The following KDM1B variants were observed in gnomAD, a reference collection of about 807,000 sequenced individuals.
KDM1B encodes lysine-specific histone demethylase 2.
In KDM1B, 63 loss-of-function variants were observed where a neutral mutation model predicts 107.4. The ratio of observed to expected loss-of-function variants is 0.59; its 90% CI spans 0.48 to 0.72. KDM1B has a LOEUF of 0.72. Ranked by LOEUF, KDM1B falls within the 30% of genes least tolerant of loss-of-function variation. The pLI is 0.00. For missense variants in KDM1B, 749 were observed against 1,020.8 expected (o/e 0.73, Z 3.63); for synonymous variants, 363 against 363.9 (o/e 1.00, Z 0.03).
At chr6:18,179,850 C>CTTTTTTTT (rs67156330) in intron 7 of KDM1B, among the ~76,000 whole-genome samples, 1 of 9,638 alleles carries the variant, frequency 1.0e-4, no homozygotes, top group African/African-American at 3.3e-4. Context: ...GTTTTTTTTC[C>CTTTTTTTT]TTTTTTTTTT....
intron 17 of KDM1B, among the ~76,000 whole-genome samples, chr6:18,210,914 C>A (rs556508191): frequency 2.6e-5 from 4 of 152,222 alleles, no homozygotes. Flanking sequence ...GCAAGAGGAT[C>A]ACTTGAGCAC....
intron 7 of KDM1B, among the ~76,000 whole-genome samples, chr6:18,185,167 G>C (rs574262564): frequency 1.5e-3 from 230 of 152,284 alleles, no homozygotes; most frequent in Non-Finnish European, 2.3e-3. Context: ...CGTATTTTCA[G>C]TTCTAAAAGA....
intron 7 of KDM1B, among the ~76,000 whole-genome samples, chr6:18,181,358 A>G (rs1376060623): frequency 6.6e-6 from 1 of 152,244 alleles, no homozygotes; most frequent in Non-Finnish European, 1.5e-5. Flanking sequence ...TCAATTTAAA[A>G]TAAGAAAAGG....
intron 2 of KDM1B, among the ~76,000 whole-genome samples, chr6:18,158,140 A>AT (rs1433759080): frequency 1.3e-5 from 2 of 151,974 alleles, no homozygotes; most frequent in Non-Finnish European, 2.9e-5. Context: ...CATCATTAGC[A>AT]TTTTCTCCAA....
chr6:18,171,898 A>T (rs1785688038), intron 7 of KDM1B, among the ~76,000 whole-genome samples: 1 of 152,218 alleles, frequency 6.6e-6, no homozygotes, highest in Non-Finnish European at 1.5e-5. Context: ...CCTGGGGGAA[A>T]CAGGAGCTTT....
intron 7 of KDM1B, among the ~76,000 whole-genome samples, chr6:18,183,955 C>T (rs1487279793): frequency 1.3e-5 from 2 of 151,932 alleles, no homozygotes; most frequent in South Asian, 2.1e-4. Context: ...AACTGCTAGG[C>T]CATATGGTCT....
rs1023761806 is a variant in KDM1B at position 18,186,972 on chromosome 6, G to A, written c.574-820G>A. ...TCAGTATGTATATATGTGTGTGTGTGTACACACACACACACACACACACAC... is the reference window on the plus strand; with the variant it reads ...TCAGTATGTATATATGTGTGTGTGTATACACACACACACACACACACACAC... On this transcript the variant is annotated intron_variant, in intron 8 of 21. Transcript: ENST00000650836. This position sits in a 1 kb window ranked among gnomAD's most constrained non-coding sequence, Gnocchi z 5.6. Among the ~76,000 whole-genome samples the A allele has an allele frequency of 6.9e-5, 4 of 58,326 alleles. No homozygotes were observed. The Admixed American group carries it at 7.4e-4, about 11-fold the overall frequency. 38.3% of individuals were successfully genotyped at this position (58,326 alleles called of 152,430 possible).
intron 20 of KDM1B, among the ~76,000 whole-genome samples, chr6:18,215,740 C>T (rs1329953119): frequency 6.6e-6 from 1 of 151,034 alleles, no homozygotes; most frequent in Non-Finnish European, 1.5e-5. Flanking sequence ...TACACACTTC[C>T]CTTTTTTTTT....
rs1038279342 is a variant in KDM1B, at chr6:18,209,616, T to G, written c.1866+1410T>G. ...GAATTGGCCTCGCTTTTTTGTTTGTTTTTTTCAGAGACAGGGTCTCAGTCT... is the reference window on the plus strand; with the variant it reads ...GAATTGGCCTCGCTTTTTTGTTTGTGTTTTTCAGAGACAGGGTCTCAGTCT... On this transcript the variant is annotated intron_variant, in intron 17 of 21. Transcript: ENST00000650836. The surrounding 1 kb of genome is among the most constrained non-coding windows in gnomAD (Gnocchi z 4.3). Among the ~76,000 whole-genome samples, 1 of 152,166 alleles carries G rather than the reference T, an allele frequency of 6.6e-6. No homozygotes were observed. The highest frequency in any genetic ancestry group is 2.4e-5 in the African/African-American group (1 of 41,432).
chr6:18,209,532 C>T lies in KDM1B; in HGVS notation c.1866+1326C>T, dbSNP rs6911008. On this transcript the variant is annotated intron_variant, in intron 17 of 21. Transcript: ENST00000650836. The surrounding 1 kb of genome is among the most constrained non-coding windows in gnomAD (Gnocchi z 4.3). ...GCAATCCCCGGGCTGCACGTCGGAA[C>T]CACCTGGGAGGCGCTTACAAAGAAA... Among the ~76,000 whole-genome samples the T allele has an allele frequency of 0.33, 50,219 of 152,050 alleles. 9,242 individuals are homozygous for T. Among genetic ancestry groups the T allele is most frequent in the African/African-American group, 0.51 (21,115 of 41,450 alleles).
intron 7 of KDM1B, among the ~76,000 whole-genome samples, chr6:18,185,220 A>G (rs1786775265): frequency 6.6e-6 from 1 of 151,544 alleles, no homozygotes; most frequent in African/African-American, 2.4e-5. Flanking sequence ...GTATTTTGTC[A>G]CCGCCCTTCG....
intron 20 of KDM1B, among the ~76,000 whole-genome samples, chr6:18,215,442 G>A (rs1196352835): frequency 6.6e-6 from 1 of 152,200 alleles, no homozygotes; most frequent in African/African-American, 2.4e-5. Flanking sequence ...GCTGGTAGAT[G>A]CTGTCTTCTC....
At position 18,222,059 on chromosome 6, in the gene KDM1B, A is replaced by G. The variant is rs1326789950; in HGVS notation, c.*67A>G. 7.1e-7 allele frequency: 1 copy of G among 1,401,406 alleles called. No homozygotes were observed. Among genetic ancestry groups the G allele is most frequent in the African/African-American group, 1.4e-5 (1 of 70,718 alleles). The allele number at this position is 1,401,406 out of a possible 1,614,324, so 86.8% of individuals were successfully genotyped here. On this transcript the variant is annotated 3_prime_UTR_variant, in exon 22 of 22. Coordinates refer to ENST00000650836, the MANE Select transcript of KDM1B (RefSeq NM_001364614.2). ...AAATTTGAATCACATGTTAAACCTC[A>G]GTTTTATAAGAGGGGGAAAAAACCG...
At chr6:18,164,149 A>T (rs1295195797) in intron 5 of KDM1B, among the ~76,000 whole-genome samples, 1 of 151,342 alleles carries the variant, frequency 6.6e-6, no homozygotes, top group African/African-American at 2.4e-5. Context: ...TTTTCTTGAG[A>T]TGGAGTCTCG....
chr6:18,199,179 CAG>C (rs1205326599), intron 12 of KDM1B, among the ~76,000 whole-genome samples: 6 of 152,010 alleles, frequency 3.9e-5, no homozygotes, highest in Admixed American at 2.0e-4. Flanking sequence ...GTCTGGGTGA[CAG>C]AGTGAGACCC....
At chr6:18,173,923 C>T (rs1298251362) in intron 7 of KDM1B, among the ~76,000 whole-genome samples, 1 of 152,006 alleles carries the variant, frequency 6.6e-6, no homozygotes. Context: ...GTAGCTGGGA[C>T]TACAGGCACA....
chr6:18,210,089 C>G (rs1788717838), intron 17 of KDM1B, among the ~76,000 whole-genome samples: 1 of 152,250 alleles, frequency 6.6e-6, no homozygotes, highest in African/African-American at 2.4e-5. Flanking sequence ...CAGCTTCAGG[C>G]TGCACTTTGA....
chr6:18,163,565 A>G (rs1785104491), intron 5 of KDM1B, among the ~76,000 whole-genome samples: 1 of 152,142 alleles, frequency 6.6e-6, no homozygotes, highest in Admixed American at 6.5e-5. Flanking sequence ...TGCGTTTTTA[A>G]ATGCCATAAA....
chr6:18,208,521 T>G (rs893300995), intron 17 of KDM1B, among the ~76,000 whole-genome samples: 1 of 145,292 alleles, frequency 6.9e-6, no homozygotes, highest in Non-Finnish European at 1.5e-5. Context: ...CAAGGCCAAG[T>G]AAGTTTGGGA....
Sources: gnomAD v4.1 joint callset for allele counts (sites outside exome capture counted in the v4.1 genomes callset) on GRCh38, gnomAD v4.1.1 for gene constraint, Gnocchi (gnomAD v3.1) non-coding constraint, MANE v1.5 for transcripts, NCBI Gene and HGNC (gene_info 2026-07-23, HGNC 2026-07-21) for gene names.